IL1RAPL1: variants seen among roughly 807,000 people sequenced by gnomAD.
The protein encoded by IL1RAPL1 is interleukin 1 receptor accessory protein like 1.
In IL1RAPL1, 3 loss-of-function variants were observed where a neutral mutation model predicts 48.4. The ratio of observed to expected loss-of-function variants is 0.06; its 90% CI spans 0.03 to 0.16. The LOEUF (loss-of-function observed/expected upper bound fraction) is 0.16, where lower values mean the gene tolerates loss of function less well. Among genes scored for constraint, IL1RAPL1 ranks in the 10% least tolerant of loss-of-function variants. IL1RAPL1 has a pLI of 1.00. For synonymous variants in IL1RAPL1, 185 were observed against 187.7 expected (o/e 0.99, Z 0.12); for missense variants, 349 against 530.6 (o/e 0.66, Z 3.36).
chrX:29,246,143 C>A, intron 2 of IL1RAPL1, among the ~76,000 whole-genome samples: 1 of 93,850 alleles, frequency 1.1e-5, no homozygotes, highest in Non-Finnish European at 2.1e-5. Context: ...TGTCATCTCT[C>A]ATCGCTCTTT....
chrX:29,495,930 T>C (rs1935208314), intron 5 of IL1RAPL1, among the ~76,000 whole-genome samples: 1 of 110,787 alleles, frequency 9.0e-6, no homozygotes, highest in Non-Finnish European at 1.9e-5. Flanking sequence ...ACCTGGTCCT[T>C]AATTCCAGGC....
chrX:29,743,283 T>G lies in IL1RAPL1; in HGVS notation c.778+74779T>G, dbSNP rs192792299. On this transcript the variant is annotated intron_variant, in intron 6 of 10. Coordinates refer to ENST00000378993, the MANE Select transcript of IL1RAPL1 (RefSeq NM_014271.4). ...AATTTCTATATTATATATAATAAAT[T>G]TATATATAAATCATATCTATACACA... is the stretch of plus-strand genomic sequence containing the variant. Among the ~76,000 whole-genome samples the G allele has an allele frequency of 3.7e-4, 40 of 107,464 alleles. No individual in the cohort carries two copies. The East Asian group carries it at 8.2e-3, about 22-fold the overall frequency. 93.3% of individuals were successfully genotyped at this position (107,464 alleles called of 115,157 possible).
At chrX:29,306,860 C>CAAAAA (rs1168897352) in intron 3 of IL1RAPL1, among the ~76,000 whole-genome samples, 2 of 28,678 alleles carry the variant, frequency 7.0e-5, no homozygotes, top group African/African-American at 1.3e-4. Flanking sequence ...GACTCTGTCT[C>CAAAAA]AAAAAAAAAA....
intron 2 of IL1RAPL1, among the ~76,000 whole-genome samples, chrX:28,873,866 G>T (rs1922295981): frequency 9.2e-6 from 1 of 108,986 alleles, no homozygotes; most frequent in African/African-American, 3.4e-5. Context: ...GAAGAATATT[G>T]GTGGTCTTAA....
intron 5 of IL1RAPL1, among the ~76,000 whole-genome samples, chrX:29,619,757 T>C (rs1199749892): frequency 8.9e-6 from 1 of 111,960 alleles, no homozygotes; most frequent in Admixed American, 9.5e-5. Flanking sequence ...TCAATGATCA[T>C]AATAAAATTT....
chrX:28,660,398 T>C (rs1007430120), intron 1 of IL1RAPL1, among the ~76,000 whole-genome samples: 2 of 110,782 alleles, frequency 1.8e-5, no homozygotes, highest in African/African-American at 3.3e-5. Flanking sequence ...AATATGTAGA[T>C]ATTTATTCAC....
At chrX:29,348,414 A>G (rs781452315) in intron 3 of IL1RAPL1, among the ~76,000 whole-genome samples, 19 of 112,406 alleles carry the variant, frequency 1.7e-4, no homozygotes, top group African/African-American at 5.5e-4. Context: ...GGAAGAGTTC[A>G]ATGTAACTTT....
intron 6 of IL1RAPL1, among the ~76,000 whole-genome samples, chrX:29,681,839 A>C (rs1232487469): frequency 3.6e-5 from 4 of 111,352 alleles, no homozygotes; most frequent in Non-Finnish European, 7.5e-5. Context: ...TTTTTAGTAG[A>C]TAATACCAAA....
chrX:29,900,761 G>A (rs890580734), intron 6 of IL1RAPL1, among the ~76,000 whole-genome samples: 1 of 111,397 alleles, frequency 9.0e-6, no homozygotes, highest in African/African-American at 3.3e-5. Flanking sequence ...CGTGGTTTTT[G>A]TCTTCACCAC....
At chrX:29,160,857 C>A (rs1929668706) in intron 2 of IL1RAPL1, among the ~76,000 whole-genome samples, 1 of 111,900 alleles carries the variant, frequency 8.9e-6, no homozygotes, top group Non-Finnish European at 1.9e-5. Flanking sequence ...AGTTCGAGAC[C>A]AGCCTGGCCA....
chrX:29,826,259 C>G (rs1342394355), intron 6 of IL1RAPL1, among the ~76,000 whole-genome samples: 1 of 111,223 alleles, frequency 9.0e-6, no homozygotes, highest in African/African-American at 3.3e-5. Flanking sequence ...AAAATTTATC[C>G]AAAACATCAG....
At chrX:29,094,589 C>T (rs1448038650) in intron 2 of IL1RAPL1, among the ~76,000 whole-genome samples, 2 of 74,005 alleles carry the variant, frequency 2.7e-5, no homozygotes, top group Admixed American at 1.6e-4. Context: ...GAAACTCTAT[C>T]TCTACTTAAA....
intron 2 of IL1RAPL1, among the ~76,000 whole-genome samples, chrX:29,179,077 T>G (rs1437555656): frequency 9.0e-6 from 1 of 111,567 alleles, no homozygotes; most frequent in Non-Finnish European, 1.9e-5. Context: ...TTGGCAATGC[T>G]GGCTCTTTTT....
At chrX:29,859,223 C>T (rs1199550258) in intron 6 of IL1RAPL1, among the ~76,000 whole-genome samples, 1 of 111,851 alleles carries the variant, frequency 8.9e-6, no homozygotes, top group Non-Finnish European at 1.9e-5. Context: ...TCTCAACTGC[C>T]ATCTCAACCT....
chrX:29,114,234 C>T (rs1051702260), intron 2 of IL1RAPL1, among the ~76,000 whole-genome samples: 1 of 111,804 alleles, frequency 8.9e-6, no homozygotes, highest in Non-Finnish European at 1.9e-5. Context: ...ACCCATAAAA[C>T]CATTTGAGGC....
intron 6 of IL1RAPL1, among the ~76,000 whole-genome samples, chrX:29,686,527 C>G (rs4829267): frequency 0.42 from 42,869 of 102,321 alleles, 6,422 homozygotes; most frequent in South Asian, 0.55. Context: ...CCCCCCACCC[C>G]CCTAAAGATT....
At chrX:29,824,824 T>G (rs1601841058) in intron 6 of IL1RAPL1, among the ~76,000 whole-genome samples, 1 of 110,800 alleles carries the variant, frequency 9.0e-6, no homozygotes. Flanking sequence ...ACCAGTTGTG[T>G]TCCTTTTAAT....
At chrX:29,779,685 A>AAAAC (rs1196433136) in intron 6 of IL1RAPL1, among the ~76,000 whole-genome samples, 2 of 112,002 alleles carry the variant, frequency 1.8e-5, no homozygotes, top group Non-Finnish European at 3.8e-5. Context: ...TTCCTTCAAT[A>AAAAC]AAACACTTAG....
intron 1 of IL1RAPL1, among the ~76,000 whole-genome samples, chrX:28,646,694 A>G (rs1382267293): frequency 2.7e-5 from 3 of 112,189 alleles, no homozygotes; most frequent in Non-Finnish European, 5.6e-5. Flanking sequence ...AGATGGATAT[A>G]AAGAGAAAAT....
Sources: allele counts gnomAD v4.1 joint callset (sites outside exome capture counted in the v4.1 genomes callset), GRCh38; gene constraint gnomAD v4.1.1; transcripts MANE v1.5; gene names NCBI Gene and HGNC (gene_info 2026-07-23, HGNC 2026-07-21).